The following CNTN5 variants were observed in gnomAD, a reference collection of about 807,000 sequenced individuals.
CNTN5 encodes the protein contactin-5.
CNTN5 carries 77 observed loss-of-function variants against 129.1 expected under a neutral mutation model. The observed-to-expected ratio is 0.60, with a 90% confidence interval of 0.50 to 0.72. The LOEUF is 0.72. Ranked by LOEUF, CNTN5 falls within the 30% of genes least tolerant of loss-of-function variation. The probability of loss-of-function intolerance (pLI) is 0.00; values close to 1 mark genes in which losing one functional copy is unlikely to be tolerated. For synonymous variants in CNTN5, 509 were observed against 465.6 expected (o/e 1.09, Z -1.20); for missense variants, 1,478 against 1,328.8 (o/e 1.11, Z -1.75).
rs540715484 is a variant in CNTN5, at chr11:99,265,421, G to T, written c.-209-59925G>T. Among the ~76,000 whole-genome samples the T allele has an allele frequency of 6.6e-5, 10 of 152,044 alleles. No individual in the cohort carries two copies. In the East Asian group the frequency reaches 1.9e-3, roughly 29 times the overall value. ...GTTTGGAACTGTGGCCCTATTATTTGGTGCTCTAATTAATTGGTTTAGTGC... is the reference window on the plus strand; with the variant it reads ...GTTTGGAACTGTGGCCCTATTATTTTGTGCTCTAATTAATTGGTTTAGTGC... On this transcript the variant is annotated intron_variant, in intron 1 of 24. Transcript: ENST00000524871.
At chr11:99,524,159 A>G (rs1227717482) in intron 2 of CNTN5, among the ~76,000 whole-genome samples, 3 of 152,198 alleles carry the variant, frequency 2.0e-5, no homozygotes, top group Non-Finnish European at 4.4e-5. Flanking sequence ...CCATAGCAAC[A>G]GGCAGAAAAT....
intron 3 of CNTN5, among the ~76,000 whole-genome samples, chr11:99,618,909 T>G (rs1950842275): frequency 6.6e-6 from 1 of 151,254 alleles, no homozygotes; most frequent in Admixed American, 6.6e-5. Flanking sequence ...GGTTTAGATA[T>G]TAAACTGTTT....
chr11:99,287,514 A>C (rs1475893617), intron 1 of CNTN5, among the ~76,000 whole-genome samples: 1 of 152,078 alleles, frequency 6.6e-6, no homozygotes, highest in Non-Finnish European at 1.5e-5. Flanking sequence ...GCCATCCTTA[A>C]AGCTATTGCT....
At chr11:99,576,548 A>G (rs890393167) in intron 3 of CNTN5, among the ~76,000 whole-genome samples, 2 of 152,222 alleles carry the variant, frequency 1.3e-5, no homozygotes, top group Non-Finnish European at 2.9e-5. Flanking sequence ...TAGATAAACC[A>G]GAGAAAAAGG....
intron 7 of CNTN5, among the ~76,000 whole-genome samples, chr11:99,945,971 TC>T (rs1354419981): frequency 6.6e-6 from 1 of 151,980 alleles, no homozygotes; most frequent in African/African-American, 2.4e-5. Flanking sequence ...AAAAAAAAAA[TC>T]TATTTTCTTA....
chr11:100,298,186 A>T lies in CNTN5; in HGVS notation c.2385+491A>T, dbSNP rs182221262. ...ATATATAGAAATGGAAATGCCTGTT[A>T]GAGTAAATAGAGCAACTCCTTGACA... On this transcript the variant is annotated intron_variant, in intron 19 of 24. Coordinates refer to ENST00000524871, the MANE Select transcript of CNTN5 (RefSeq NM_014361.4). Among the ~76,000 whole-genome samples, 790 of 151,574 alleles carry T rather than the reference A, an allele frequency of 5.2e-3. 10 individuals carry two copies. Among genetic ancestry groups the T allele is most frequent in the African/African-American group, 0.018 (740 of 41,402 alleles).
At chr11:99,042,820 G>C (rs901176841) in intron 1 of CNTN5, among the ~76,000 whole-genome samples, 15 of 148,626 alleles carry the variant, frequency 1.0e-4, no homozygotes, top group Non-Finnish European at 1.6e-4. Flanking sequence ...TCTGGGACAG[G>C]TGTTTAACGT....
In CNTN5 at chr11:99,583,093, A is replaced by G. The variant is rs562741340; in HGVS notation, c.55+26824A>G. On this transcript the variant is annotated intron_variant, in intron 3 of 24. Coordinates refer to ENST00000524871, the MANE Select transcript of CNTN5 (RefSeq NM_014361.4). Reference sequence around the variant, plus strand: ...TTGGAGTTTACTGGAGGTCCACTCTAGACCCTGTTTGCCTGGGTATCAGCA... The same window carrying G: ...TTGGAGTTTACTGGAGGTCCACTCTGGACCCTGTTTGCCTGGGTATCAGCA... Among the ~76,000 whole-genome samples, 11 of 152,362 alleles carry G rather than the reference A, an allele frequency of 7.2e-5. No homozygotes were observed. In the East Asian group the frequency reaches 7.7e-4, roughly 11 times the overall value.
At chr11:99,051,037 C>G (rs942086102) in intron 1 of CNTN5, among the ~76,000 whole-genome samples, 1 of 151,724 alleles carries the variant, frequency 6.6e-6, no homozygotes, top group Non-Finnish European at 1.5e-5. Context: ...TTGTATCAGC[C>G]TCAAGTTCAG....
intron 7 of CNTN5, among the ~76,000 whole-genome samples, chr11:99,955,629 G>T (rs1050005470): frequency 6.6e-6 from 1 of 151,896 alleles, no homozygotes; most frequent in Non-Finnish European, 1.5e-5. Flanking sequence ...GCATGACCTC[G>T]GCTCACTGCA....
chr11:99,517,298 C>T (rs1947094347), intron 2 of CNTN5, among the ~76,000 whole-genome samples: 1 of 151,922 alleles, frequency 6.6e-6, no homozygotes, highest in South Asian at 2.1e-4. Flanking sequence ...TCCCTTAACC[C>T]TTCATCACCT....
At chr11:99,231,493 G>T (rs528153599) in intron 1 of CNTN5, among the ~76,000 whole-genome samples, 1 of 152,006 alleles carries the variant, frequency 6.6e-6, no homozygotes, top group Non-Finnish European at 1.5e-5. Flanking sequence ...TTTTAACGGG[G>T]TTATTTGTTT....
chr11:99,565,688 A>T (rs750166842), intron 3 of CNTN5, among the ~76,000 whole-genome samples: 1 of 152,170 alleles, frequency 6.6e-6, no homozygotes, highest in Non-Finnish European at 1.5e-5. Context: ...ACATTCTCCT[A>T]TCTCTGTCTT....
At chr11:99,432,495 C>CT (rs539746806) in intron 2 of CNTN5, among the ~76,000 whole-genome samples, 4,079 of 77,578 alleles carry the variant, frequency 0.053, 87 homozygotes, top group East Asian at 0.1. Context: ...CTTTTCTTTT[C>CT]TTTCTTTTCT....
chr11:99,523,771 A>G (rs1351261450), intron 2 of CNTN5, among the ~76,000 whole-genome samples: 1 of 152,126 alleles, frequency 6.6e-6, no homozygotes, highest in East Asian at 1.9e-4. Context: ...ACTCCCCAGC[A>G]CATATCTAGG....
chr11:99,075,800 C>G (rs774763626), intron 1 of CNTN5, among the ~76,000 whole-genome samples: 2 of 152,088 alleles, frequency 1.3e-5, no homozygotes, highest in Non-Finnish European at 2.9e-5. Flanking sequence ...ACTTTGTTCA[C>G]CAAGTTAAGA....
At chr11:99,697,257 C>A (rs1405731756) in intron 3 of CNTN5, among the ~76,000 whole-genome samples, 1 of 151,540 alleles carries the variant, frequency 6.6e-6, no homozygotes, top group African/African-American at 2.4e-5. Context: ...TACATAGTGA[C>A]TTTCTTCCCA....
chr11:99,301,795 G>A (rs1864652397), intron 1 of CNTN5, among the ~76,000 whole-genome samples: 1 of 151,668 alleles, frequency 6.6e-6, no homozygotes, highest in Admixed American at 6.6e-5. Context: ...TCTTCTTAAT[G>A]TACATGAAAC....
chr11:100,301,679 A>G (rs551214856), intron 20 of CNTN5, among the ~76,000 whole-genome samples: 17 of 151,740 alleles, frequency 1.1e-4, no homozygotes, highest in African/African-American at 3.6e-4. Context: ...TGTGTCAACC[A>G]AGAAAGGCAG....
Sources: allele counts gnomAD v4.1 joint callset (sites outside exome capture counted in the v4.1 genomes callset), GRCh38; gene constraint gnomAD v4.1.1; transcripts MANE v1.5; gene names NCBI Gene and HGNC (gene_info 2026-07-23, HGNC 2026-07-21).